The following BLVRA variants were observed in gnomAD, a reference collection of about 807,000 sequenced individuals.
The protein encoded by BLVRA is BVR A.
BLVRA carries 22 observed loss-of-function variants against 32.8 expected under a neutral mutation model. The ratio of observed to expected loss-of-function variants is 0.67; its 90% CI spans 0.48 to 0.96. The LOEUF (loss-of-function observed/expected upper bound fraction) is 0.96. BLVRA is among the 40% of genes least tolerant of loss of function. The probability of loss-of-function intolerance (pLI) is 0.00; values close to 1 mark genes in which losing one functional copy is unlikely to be tolerated. For synonymous variants in BLVRA, 119 were observed against 141.3 expected, an observed-to-expected ratio of 0.84 and a Z score of 1.12; for missense variants, 323 against 358.1, an observed-to-expected ratio of 0.90 and a Z score of 0.79.
intron 2 of BLVRA, among the ~76,000 whole-genome samples, chr7:43,777,004 C>A (rs2095761875): frequency 6.6e-6 from 1 of 152,008 alleles, no homozygotes; most frequent in East Asian, 1.9e-4. Flanking sequence ...GGTAGATCTT[C>A]CTCCATCCCT....
chr7:43,768,492 T>G (rs1421959502), intron 1 of BLVRA, among the ~76,000 whole-genome samples: 1 of 151,930 alleles, frequency 6.6e-6, no homozygotes, highest in Non-Finnish European at 1.5e-5. Context: ...TGCTTTACCC[T>G]CCCTGAACTC....
In BLVRA at chr7:43,807,249, T is replaced by C; in HGVS notation, c.*14T>C. ...TCAAGGAAGTAAGAGGAGGAGGTGA[T>C]GTAGCACTTCCAAGATGGCACCAGC... On this transcript the variant is annotated 3_prime_UTR_variant, in exon 8 of 8. Transcript: ENST00000265523. 6.2e-7 allele frequency: 1 copy of C among 1,601,966 alleles called. No homozygotes were observed. The highest frequency in any genetic ancestry group is 8.5e-7 in the Non-Finnish European group (1 of 1,179,942).
At chr7:43,777,698 A>T (rs1343373741) in intron 2 of BLVRA, among the ~76,000 whole-genome samples, 9 of 151,986 alleles carry the variant, frequency 5.9e-5, no homozygotes. Context: ...CTGCCTTGCT[A>T]GATTGGGGAA....
chr7:43,777,835 T>C (rs905785068), intron 2 of BLVRA, among the ~76,000 whole-genome samples: 7 of 152,202 alleles, frequency 4.6e-5, no homozygotes, highest in Non-Finnish European at 5.9e-5. Context: ...GGAGACTTTG[T>C]TCATTTCTTT....
At chr7:43,782,503 C>T (rs1230336007) in intron 2 of BLVRA, among the ~76,000 whole-genome samples, 5 of 152,084 alleles carry the variant, frequency 3.3e-5, no homozygotes, top group South Asian at 4.1e-4. Flanking sequence ...TAGCACACAG[C>T]GTGAAGATCC....
intron 5 of BLVRA, among the ~76,000 whole-genome samples, chr7:43,799,978 C>T (rs1177041406): frequency 2.0e-5 from 3 of 151,726 alleles, no homozygotes; most frequent in Non-Finnish European, 4.4e-5. Context: ...CTTTTTGAAA[C>T]GGAGTCTCAC....
intron 2 of BLVRA, among the ~76,000 whole-genome samples, chr7:43,782,975 G>T (rs924394377): frequency 2.6e-5 from 4 of 151,932 alleles, no homozygotes; most frequent in African/African-American, 9.7e-5. Context: ...GGCACTTGGG[G>T]TCATTGGACA....
intron 4 of BLVRA, 52 bp from the exon 5 acceptor site, chr7:43,792,663 A>G: frequency 5.3e-6 from 8 of 1,496,592 alleles, no homozygotes; most frequent in Non-Finnish European, 7.4e-6. Context: ...AGAGCATTTC[A>G]GTGAAGCTTA....
intron 1 of BLVRA, among the ~76,000 whole-genome samples, chr7:43,764,462 T>C (rs1001926153): frequency 1.3e-5 from 2 of 152,194 alleles, no homozygotes; most frequent in Non-Finnish European, 2.9e-5. Context: ...ATTGACCTCA[T>C]CTCATTTCTC....
intron 5 of BLVRA, among the ~76,000 whole-genome samples, chr7:43,800,107 C>G (rs1355869711): frequency 1.3e-5 from 2 of 152,136 alleles, no homozygotes; most frequent in Non-Finnish European, 2.9e-5. Flanking sequence ...AGGTGCCCAC[C>G]ACCACACCTG....
At chr7:43,763,949 ATAGTCAGTG>A (rs1427182380) in intron 1 of BLVRA, among the ~76,000 whole-genome samples, 13 of 152,354 alleles carry the variant, frequency 8.5e-5, no homozygotes, top group African/African-American at 1.7e-4. Context: ...AGAACATGAT[ATAGTCAGTG>A]TAGAGAATAA....
chr7:43,803,348 T>G (rs893484796), intron 6 of BLVRA, among the ~76,000 whole-genome samples: 1 of 152,174 alleles, frequency 6.6e-6, no homozygotes, highest in African/African-American at 2.4e-5. Flanking sequence ...TACATATGTG[T>G]ACATAGATGT....
chr7:43,800,830 A>C (rs1230655955), intron 6 of BLVRA, among the ~76,000 whole-genome samples: 1 of 152,202 alleles, frequency 6.6e-6, no homozygotes, highest in Non-Finnish European at 1.5e-5. Context: ...GTTGTACATT[A>C]AAACTCTTTT....
chr7:43,780,968 G>A (rs534202869), intron 2 of BLVRA, among the ~76,000 whole-genome samples: 2 of 152,254 alleles, frequency 1.3e-5, no homozygotes, highest in South Asian at 2.1e-4. Flanking sequence ...CCAACATGGC[G>A]AAACCCCATC....
In BLVRA at chr7:43,766,290, GA is replaced by G. The variant is rs56186712; in HGVS notation, c.-21-4830del. Among the ~76,000 whole-genome samples, 588 of 93,870 alleles carry G rather than the reference GA, an allele frequency of 6.3e-3. 1 individual carries two copies. Among genetic ancestry groups the G allele is most frequent in the African/African-American group, 0.016 (380 of 24,288 alleles). 61.6% of individuals were successfully genotyped at this position (93,870 alleles called of 152,430 possible). On this transcript the variant is annotated intron_variant, in intron 1 of 7. Coordinates refer to ENST00000265523, the MANE Select transcript of BLVRA (RefSeq NM_000712.4). The stretch of plus-strand genomic sequence containing the variant: ...GACAAGAGTGAAACTCTGTCTCAGG[GA>G]AAAAAAAAAAAAAAAAAGTTAAAAA...
At chr7:43,775,746 T>G (rs2095760058) in intron 2 of BLVRA, among the ~76,000 whole-genome samples, 1 of 152,258 alleles carries the variant, frequency 6.6e-6, no homozygotes, top group Non-Finnish European at 1.5e-5. Flanking sequence ...TCTGGTAGAA[T>G]TTGGCTGTGA....
chr7:43,764,498 G>A (rs1014770764), intron 1 of BLVRA, among the ~76,000 whole-genome samples: 3 of 152,150 alleles, frequency 2.0e-5, no homozygotes, highest in African/African-American at 7.2e-5. Context: ...ATCACTTTCA[G>A]TAAAAGGTAG....
Position 43,791,291 on chromosome 7 carries a change from G to A in BLVRA, c.177G>A (p.Leu59=), listed in dbSNP as rs146931784. The A allele has an allele frequency of 2.0e-5, 32 of 1,614,070 alleles. No homozygotes were observed. The African/African-American group carries it at 3.3e-4, about 17-fold the overall frequency. ...TTGATGGAGTCCAGCAGATTTCTTT[G>A]GAGGATGCTCTTTCCAGCCAAGAGG... ...GSIDGVQQIS[L]EDALSSQEVE... is the part of the protein sequence containing the mutation. Residue 59 remains leucine, a synonymous_variant, in exon 4 of 8, where the codon TTG becomes TTA. Coordinates refer to ENST00000265523, the MANE Select transcript of BLVRA (RefSeq NM_000712.4).
rs980672188 is a variant in BLVRA, at chr7:43,758,706, G to A, written c.-50G>A. The stretch of plus-strand genomic sequence containing the variant: ...GTCCGCAAAGCCGGTGGCGCCCGGA[G>A]GCTGCACGGAGAGCGGTGCCCGCGT... On this transcript the variant is annotated 5_prime_UTR_variant, in exon 1 of 8. Coordinates refer to ENST00000265523, the MANE Select transcript of BLVRA (RefSeq NM_000712.4). 6.6e-6 allele frequency: 1 copy of A among 152,162 alleles called. No homozygotes were observed. The highest frequency in any genetic ancestry group is 2.4e-5 in the African/African-American group (1 of 41,426). 9.4% of individuals were successfully genotyped at this position (152,162 alleles called of 1,614,324 possible). A position where few individuals can be genotyped will look rare whatever the true frequency, so the allele number is the denominator to read the frequency against.
Sources: allele counts gnomAD v4.1 joint callset (sites outside exome capture counted in the v4.1 genomes callset), GRCh38; gene constraint gnomAD v4.1.1; transcripts MANE v1.5; gene names NCBI Gene and HGNC (gene_info 2026-07-23, HGNC 2026-07-21).